The following CEP72 variants were observed in gnomAD, a reference collection of about 807,000 sequenced individuals.
The protein encoded by CEP72 is centrosomal protein of 72 kDa.
A neutral mutation model predicts 65.7 loss-of-function variants in CEP72; 78 were observed. The ratio of observed to expected loss-of-function variants is 1.19; its 90% CI spans 0.99 to 1.43. The LOEUF is 1.43. Among genes scored for constraint, CEP72 ranks in the 40% most tolerant of loss-of-function variants. CEP72 has a pLI of 0.00. For synonymous variants in CEP72, 358 were observed against 351.7 expected (o/e 1.02, Z -0.20); for missense variants, 914 against 832.9 (o/e 1.10, Z -1.20).
downstream of CEP72, chr5:660,648 C>G (rs1469017888): frequency 6.6e-6 from 1 of 152,352 alleles, no homozygotes; most frequent in African/African-American, 2.4e-5. Context: ...AGGTAAGTGT[C>G]CAGGGCCAAG....
chr5:616,903 G>C (rs1045471835), intron 1 of CEP72, among the ~76,000 whole-genome samples: 1 of 149,506 alleles, frequency 6.7e-6, no homozygotes, highest in Non-Finnish European at 1.5e-5. Flanking sequence ...GGCCCCTCCT[G>C]GTGCCAAGTG....
At chr5:668,111 C>A (rs139528526), downstream of CEP72, among the ~76,000 whole-genome samples, 17,775 of 39,446 alleles carry the variant, frequency 0.45, 5,383 homozygotes, top group African/African-American at 0.8. Flanking sequence ...AGGGAAGTAC[C>A]GACAAGCACA....
chr5:624,709 A>G lies in CEP72; in HGVS notation c.512+130A>G, dbSNP rs780042231. ...GGACACCAGGAGGGAGGAAGGGCAG[A>G]GCCTGCCTGGCGGGGACTCCGTGGA... On this transcript the variant is annotated intron_variant, in intron 4 of 11. Transcript: ENST00000264935. The surrounding 1 kb of genome is among the most constrained non-coding windows in gnomAD (Gnocchi z 4.7). 78 of 705,766 alleles carry G rather than the reference A, an allele frequency of 1.1e-4. No homozygotes were observed. The highest frequency in any genetic ancestry group is 1.6e-4 in the Non-Finnish European group (64 of 388,806). The allele number at this position is 705,766 out of a possible 1,614,324, so 43.7% of individuals were successfully genotyped here.
At chr5:615,077 G>A (rs1735905379) in intron 1 of CEP72, among the ~76,000 whole-genome samples, 1 of 149,776 alleles carries the variant, frequency 6.7e-6, no homozygotes, top group Non-Finnish European at 1.5e-5. Context: ...GAATTACATA[G>A]CTAGGATTTT....
chr5:619,183 A>G (rs1205023031), intron 2 of CEP72, 66 bp downstream of exon 2: 2 of 1,454,802 alleles, frequency 1.4e-6, no homozygotes, highest in Non-Finnish European at 1.9e-6. Flanking sequence ...CATTCACAGC[A>G]GAAACGGAGT....
chr5:634,083 T>G (rs1737421232), intron 5 of CEP72, 136 bp downstream of exon 5: 13 of 764,122 alleles, frequency 1.7e-5, no homozygotes, highest in Middle Eastern at 3.8e-4. Context: ...GATGTGTCTT[T>G]GTGTGCTTTC....
downstream of CEP72, among the ~76,000 whole-genome samples, chr5:669,795 G>C (rs932796361): frequency 6.6e-6 from 1 of 152,060 alleles, no homozygotes; most frequent in Admixed American, 6.5e-5. Context: ...CTCCCCAGGA[G>C]ACCCGGGTGC....
downstream of CEP72, among the ~76,000 whole-genome samples, chr5:656,129 C>G (rs1046561719): frequency 5.9e-5 from 9 of 152,148 alleles, no homozygotes; most frequent in Non-Finnish European, 1.2e-4. Context: ...CATTGTGTTG[C>G]AGACATAAGC....
downstream of CEP72, among the ~76,000 whole-genome samples, chr5:670,501 T>C (rs1740181107): frequency 6.6e-6 from 1 of 151,996 alleles, no homozygotes; most frequent in South Asian, 2.1e-4. Flanking sequence ...TCTGGGATCT[T>C]CCATTAGCCC....
downstream of CEP72, among the ~76,000 whole-genome samples, chr5:669,540 C>T (rs971789185): frequency 6.6e-6 from 1 of 152,158 alleles, no homozygotes; most frequent in South Asian, 2.1e-4. Flanking sequence ...CTATTCCCAC[C>T]CTGCCCAAGC....
chr5:667,845 C>T (rs1464101940), downstream of CEP72, among the ~76,000 whole-genome samples: 71 of 147,356 alleles, frequency 4.8e-4, 1 homozygote, highest in African/African-American at 1.1e-3. Context: ...GAGAGGGGTC[C>T]GCGTGGGCGC....
At chr5:669,179 C>T (rs893737427), downstream of CEP72, among the ~76,000 whole-genome samples, 9 of 152,154 alleles carry the variant, frequency 5.9e-5, no homozygotes, top group South Asian at 2.1e-4. Flanking sequence ...AGCCCCAGGG[C>T]GGGGCCTGGA....
At chr5:639,314 C>T in intron 8 of CEP72, 90 bp downstream of exon 8, 1 of 1,421,682 alleles carries the variant, frequency 7.0e-7, no homozygotes, top group African/African-American at 1.4e-5. Context: ...GGAGTCATCT[C>T]AGCCCCAGGT....
chr5:674,864 T>G, the CEP72 span, among the ~76,000 whole-genome samples: 2 of 150,456 alleles, frequency 1.3e-5, no homozygotes, highest in Non-Finnish European at 2.9e-5. Flanking sequence ...AGCGAGCCTG[T>G]GGGAGCTGCC....
chr5:628,678 CAGG>C (rs1736958911), intron 4 of CEP72, among the ~76,000 whole-genome samples: 5 of 119,026 alleles, frequency 4.2e-5, no homozygotes, highest in Admixed American at 9.0e-5. Context: ...CTGGAGAACT[CAGG>C]TCACAGGCCC....
chr5:672,268 G>T, the CEP72 span, among the ~76,000 whole-genome samples: 1 of 152,150 alleles, frequency 6.6e-6, no homozygotes, highest in Non-Finnish European at 1.5e-5. Flanking sequence ...AGACCCCAGG[G>T]AGCCTGGCCC....
rs1739828536 is a variant in CEP72, at chr5:664,879, G to A, written n.288-301G>A. 5.2e-6 allele frequency: 3 copies of A among 579,944 alleles called. No homozygotes were observed. The Admixed American group carries it at 9.3e-5, about 18-fold the overall frequency. 35.9% of individuals were successfully genotyped at this position (579,944 alleles called of 1,614,324 possible). ...GCTGAGGACGAGGCAGGTGTATTAG[G>A]AGGGTCAGCGAACTGGGGCCCAAAC... On this transcript the variant is annotated intron_variant and non_coding_transcript_variant, in intron 2 of 4. Coordinates refer to the CEP72 transcript ENST00000514507.
At chr5:627,748 C>T (rs1182448993) in intron 4 of CEP72, among the ~76,000 whole-genome samples, 3 of 152,160 alleles carry the variant, frequency 2.0e-5, no homozygotes, top group Admixed American at 6.5e-5. Flanking sequence ...AAAGGAAGCA[C>T]TTATTCCACG....
intron 2 of CEP72, among the ~76,000 whole-genome samples, chr5:619,541 G>A (rs1375051072): frequency 6.6e-6 from 1 of 151,682 alleles, no homozygotes; most frequent in Non-Finnish European, 1.5e-5. Context: ...TGGAGGCTGC[G>A]TCTGCATGGC....
Sources: allele counts gnomAD v4.1 joint callset (sites outside exome capture counted in the v4.1 genomes callset), GRCh38; gene constraint gnomAD v4.1.1; non-coding constraint Gnocchi (gnomAD v3.1); transcripts MANE v1.5; gene names NCBI Gene and HGNC (gene_info 2026-07-23, HGNC 2026-07-21).